Variants in KIAA1217 observed in about 807,000 individuals in gnomAD.
The protein encoded by KIAA1217 is KIAA1217.
KIAA1217 carries 88 observed loss-of-function variants against 163.9 expected under a neutral mutation model. The ratio of observed to expected loss-of-function variants is 0.54; its 90% CI spans 0.45 to 0.64. The LOEUF is 0.64. Ranked by LOEUF, KIAA1217 falls within the 30% of genes least tolerant of loss-of-function variation. The pLI is 0.00. For synonymous variants in KIAA1217, 903 were observed against 923.1 expected (o/e 0.98, Z 0.39); for missense variants, 2,372 against 2,475.0 (o/e 0.96, Z 0.88).
intron 2 of KIAA1217, among the ~76,000 whole-genome samples, chr10:24,075,893 G>A (rs550027144): frequency 1.3e-5 from 2 of 151,976 alleles, no homozygotes; most frequent in East Asian, 1.9e-4. Context: ...CATGAGCCAC[G>A]ACTCCCAGCC....
At chr10:23,831,844 A>G (rs920068608) in intron 1 of KIAA1217, among the ~76,000 whole-genome samples, 1 of 152,136 alleles carries the variant, frequency 6.6e-6, no homozygotes, top group Non-Finnish European at 1.5e-5. Flanking sequence ...TACTTGTACT[A>G]TTTCTTCCAC....
intron 5 of KIAA1217, among the ~76,000 whole-genome samples, chr10:24,443,975 G>A (rs547460426): frequency 4.6e-5 from 7 of 152,040 alleles, no homozygotes; most frequent in African/African-American, 1.7e-4. Flanking sequence ...TTTTGTGTTT[G>A]AAAATTTTCA....
chr10:23,767,161 G>A (rs1414615320), intron 1 of KIAA1217, among the ~76,000 whole-genome samples: 1 of 152,176 alleles, frequency 6.6e-6, no homozygotes, highest in Non-Finnish European at 1.5e-5. Flanking sequence ...TGAATGCAAT[G>A]GCCAACAGCT....
At chr10:24,527,663 CTA>C (rs1327261010) in intron 13 of KIAA1217, among the ~76,000 whole-genome samples, 1 of 151,840 alleles carries the variant, frequency 6.6e-6, no homozygotes, top group African/African-American at 2.4e-5. Context: ...GACCCTGCCT[CTA>C]AAAAAATACA....
intron 2 of KIAA1217, among the ~76,000 whole-genome samples, chr10:24,170,491 A>G (rs2065575511): frequency 6.6e-6 from 1 of 152,180 alleles, no homozygotes; most frequent in Admixed American, 6.5e-5. Context: ...TGGGTTTCAC[A>G]GGGATGCACT....
At chr10:24,325,005 T>C (rs2044680998) in intron 2 of KIAA1217, among the ~76,000 whole-genome samples, 1 of 151,920 alleles carries the variant, frequency 6.6e-6, no homozygotes, top group African/African-American at 2.4e-5. Flanking sequence ...TGAAAAAAAG[T>C]GTAAGCAGGT....
intron 2 of KIAA1217, among the ~76,000 whole-genome samples, chr10:24,177,516 C>T (rs1011234711): frequency 6.6e-6 from 1 of 151,026 alleles, no homozygotes; most frequent in Non-Finnish European, 1.5e-5. Context: ...ACTTCTTTTC[C>T]CCTGGATACC....
intron 1 of KIAA1217, among the ~76,000 whole-genome samples, chr10:23,822,669 T>A (rs549246815): frequency 1.3e-5 from 2 of 152,168 alleles, no homozygotes; most frequent in Admixed American, 1.3e-4. Flanking sequence ...TCTGGTGGTG[T>A]GGTAGAGAAC....
At chr10:23,809,576 A>C (rs1371504274) in intron 1 of KIAA1217, among the ~76,000 whole-genome samples, 1 of 152,042 alleles carries the variant, frequency 6.6e-6, no homozygotes, top group Non-Finnish European at 1.5e-5. Context: ...ACAGGTAAGT[A>C]ATCACTGTAA....
At chr10:23,781,718 CTTT>C (rs965917838) in intron 1 of KIAA1217, among the ~76,000 whole-genome samples, 1 of 152,104 alleles carries the variant, frequency 6.6e-6, no homozygotes, top group African/African-American at 2.4e-5. Context: ...TACAATAGTT[CTTT>C]GATTCATTTT....
intron 1 of KIAA1217, among the ~76,000 whole-genome samples, chr10:23,914,941 A>G (rs1285701880): frequency 6.6e-6 from 1 of 152,152 alleles, no homozygotes; most frequent in Non-Finnish European, 1.5e-5. Flanking sequence ...TGTAGGTTTG[A>G]GAGTCACTAG....
intron 2 of KIAA1217, among the ~76,000 whole-genome samples, chr10:24,151,089 A>G (rs981633370): frequency 1.3e-5 from 2 of 152,060 alleles, no homozygotes; most frequent in Non-Finnish European, 2.9e-5. Flanking sequence ...CTAGGAGCTG[A>G]GCAGGGAAGG....
At chr10:24,069,669 G>T (rs1329749448) in intron 2 of KIAA1217, among the ~76,000 whole-genome samples, 1 of 152,112 alleles carries the variant, frequency 6.6e-6, no homozygotes, top group Non-Finnish European at 1.5e-5. Context: ...ACTTCCAAAG[G>T]GTGCAGGAGC....
At chr10:24,276,957 C>A (rs2077373858) in intron 2 of KIAA1217, among the ~76,000 whole-genome samples, 1 of 152,056 alleles carries the variant, frequency 6.6e-6, no homozygotes, top group Non-Finnish European at 1.5e-5. Context: ...TGGGGTCTCC[C>A]CGTGTTGCCC....
chr10:24,420,991 T>G (rs2058688081), intron 3 of KIAA1217, among the ~76,000 whole-genome samples: 1 of 142,950 alleles, frequency 7.0e-6, no homozygotes, highest in South Asian at 2.1e-4. Flanking sequence ...ATAAGTGGTT[T>G]TGTTTGTTTG....
chr10:24,488,002 G>A (rs755996565), intron 6 of KIAA1217, among the ~76,000 whole-genome samples: 4 of 152,180 alleles, frequency 2.6e-5, no homozygotes, highest in Non-Finnish European at 5.9e-5. Flanking sequence ...GTAAGAGGCA[G>A]GAGAAATGAC....
At chr10:23,818,607 C>G (rs1837476834) in intron 1 of KIAA1217, among the ~76,000 whole-genome samples, 2 of 151,962 alleles carry the variant, frequency 1.3e-5, no homozygotes, top group South Asian at 2.1e-4. Flanking sequence ...GCGACAGAAA[C>G]CAAAACCCAC....
At chr10:23,878,828 A>T (rs556508098) in intron 1 of KIAA1217, among the ~76,000 whole-genome samples, 69 of 152,022 alleles carry the variant, frequency 4.5e-4, no homozygotes, top group Admixed American at 9.2e-4. Context: ...GGTAGAAATG[A>T]CAGAATTTTC....
At chr10:23,822,684 T>G (rs1435603752) in intron 1 of KIAA1217, among the ~76,000 whole-genome samples, 1 of 152,220 alleles carries the variant, frequency 6.6e-6, no homozygotes, top group East Asian at 1.9e-4. Context: ...GAGAACATTA[T>G]GTCCCTTGAT....
Sources: gnomAD v4.1 joint callset for allele counts (sites outside exome capture counted in the v4.1 genomes callset) on GRCh38, gnomAD v4.1.1 for gene constraint, MANE v1.5 for transcripts, NCBI Gene and HGNC (gene_info 2026-07-23, HGNC 2026-07-21) for gene names.